The following TMEM232 variants were observed in gnomAD, a reference collection of about 807,000 sequenced individuals.
TMEM232 encodes transmembrane protein 232.
A neutral mutation model predicts 78.8 loss-of-function variants in TMEM232; 80 were observed. The ratio of observed to expected loss-of-function variants is 1.01; its 90% CI spans 0.85 to 1.22. The LOEUF is 1.22. Ranked by LOEUF, TMEM232 falls within the 50% of genes most tolerant of loss-of-function variation. The pLI is 0.00. For missense variants in TMEM232, 881 were observed against 742.2 expected, an observed-to-expected ratio of 1.19 and a Z score of -2.17; for synonymous variants, 297 against 254.3, an observed-to-expected ratio of 1.17 and a Z score of -1.60.
intron 13 of TMEM232, among the ~76,000 whole-genome samples, chr5:110,421,637 C>A (rs969716294): frequency 3.3e-5 from 5 of 152,072 alleles, no homozygotes; most frequent in African/African-American, 4.8e-5. Flanking sequence ...CTAAGATTAT[C>A]AACCTATCAA....
intron 1 of TMEM232, among the ~76,000 whole-genome samples, chr5:110,671,477 A>G (rs1791342961): frequency 6.6e-6 from 1 of 152,210 alleles, no homozygotes; most frequent in East Asian, 1.9e-4. Context: ...TATTCACAAT[A>G]GCACAGACTT....
chr5:110,733,630 G>C (rs1798891442), intron 2 of TMEM232, among the ~76,000 whole-genome samples: 1 of 152,120 alleles, frequency 6.6e-6, no homozygotes, highest in Non-Finnish European at 1.5e-5. Context: ...GAAGCTAAAT[G>C]ATGAGAACAC....
intron 4 of TMEM232, among the ~76,000 whole-genome samples, chr5:110,640,655 A>C (rs1786549887): frequency 6.6e-6 from 1 of 152,156 alleles, no homozygotes; most frequent in Non-Finnish European, 1.5e-5. Context: ...TTTTGGCAAA[A>C]AAGTAATAAA....
downstream of TMEM232, among the ~76,000 whole-genome samples, chr5:110,415,778 T>C (rs994734052): frequency 2.0e-5 from 3 of 152,224 alleles, no homozygotes; most frequent in Admixed American, 2.0e-4. Context: ...CATTACTGGA[T>C]TGCTAACAGT....
At chr5:110,390,705 T>C (rs1755142489) in intron 3 of TMEM232, 1 of 152,202 alleles carries the variant, frequency 6.6e-6, no homozygotes, top group South Asian at 2.1e-4. Context: ...TTGTATAACA[T>C]GAACAAACTT....
chr5:110,447,147 A>ATG (rs1183820337), intron 12 of TMEM232, among the ~76,000 whole-genome samples: 1 of 150,282 alleles, frequency 6.7e-6, no homozygotes, highest in East Asian at 2.0e-4. Context: ...ATACATATAT[A>ATG]TGTGTATATA....
intron 1 of TMEM232, among the ~76,000 whole-genome samples, chr5:110,721,739 G>T (rs1338173400): frequency 1.4e-5 from 2 of 139,566 alleles, no homozygotes; most frequent in African/African-American, 5.2e-5. Flanking sequence ...TCCCTAGACT[G>T]ACCAGAGCAG....
chr5:110,661,072 G>T (rs1789718106), intron 2 of TMEM232, among the ~76,000 whole-genome samples: 1 of 152,110 alleles, frequency 6.6e-6, no homozygotes, highest in Non-Finnish European at 1.5e-5. Flanking sequence ...ACACATGTGA[G>T]TGACAATAGC....
intron 12 of TMEM232, among the ~76,000 whole-genome samples, chr5:110,461,230 C>T (rs1761490814): frequency 6.6e-6 from 1 of 151,700 alleles, no homozygotes; most frequent in South Asian, 2.1e-4. Context: ...ATTAAAAGTG[C>T]TACTCTAGTG....
intron 11 of TMEM232, among the ~76,000 whole-genome samples, chr5:110,560,089 G>C (rs1775568351): frequency 6.6e-6 from 1 of 152,106 alleles, no homozygotes; most frequent in Non-Finnish European, 1.5e-5. Context: ...TTCTGAAATA[G>C]TAGGATTAGG....
At chr5:110,421,265 C>A (rs562344526) in intron 13 of TMEM232, among the ~76,000 whole-genome samples, 29 of 151,932 alleles carry the variant, frequency 1.9e-4, no homozygotes, top group Middle Eastern at 3.4e-3. Flanking sequence ...TCTTAATTGG[C>A]CATGATAATT....
chr5:110,588,258 A>T (rs1256709120), intron 10 of TMEM232, among the ~76,000 whole-genome samples: 3 of 152,194 alleles, frequency 2.0e-5, no homozygotes, highest in Non-Finnish European at 4.4e-5. Flanking sequence ...TTAGAAAATC[A>T]TTCTCAACAA....
At chr5:110,462,593 C>G (rs1761653853) in intron 12 of TMEM232, among the ~76,000 whole-genome samples, 1 of 152,190 alleles carries the variant, frequency 6.6e-6, no homozygotes, top group Non-Finnish European at 1.5e-5. Context: ...CCTTTGGCCA[C>G]AGACTGAAGG....
intron 4 of TMEM232, among the ~76,000 whole-genome samples, chr5:110,388,993 G>T (rs1247487774): frequency 6.6e-6 from 1 of 152,132 alleles, no homozygotes; most frequent in Non-Finnish European, 1.5e-5. Context: ...GGGTGCAGTG[G>T]CTCATGCCTG....
downstream of TMEM232, chr5:110,417,618 C>CTTTTTTTTTTTTTT (rs1181888424): frequency 9.5e-4 from 113 of 119,284 alleles, no homozygotes; most frequent in East Asian, 1.6e-3. Flanking sequence ...TTTTCTTTTT[C>CTTTTTTTTTTTTTT]TTTTTTTTTT....
chr5:110,591,724 G>T (rs538266864), intron 10 of TMEM232, among the ~76,000 whole-genome samples: 2 of 152,130 alleles, frequency 1.3e-5, no homozygotes, highest in Admixed American at 1.3e-4. Flanking sequence ...TGATATTCAA[G>T]TGACAAAATT....
chr5:110,614,301 T>G (rs542249906), intron 8 of TMEM232, among the ~76,000 whole-genome samples: 1 of 152,138 alleles, frequency 6.6e-6, no homozygotes, highest in Non-Finnish European at 1.5e-5. Flanking sequence ...GACAGTTGAA[T>G]GATGCATTGG....
intron 1 of TMEM232, among the ~76,000 whole-genome samples, chr5:110,675,431 C>T (rs1374039856): frequency 6.6e-6 from 1 of 152,140 alleles, no homozygotes; most frequent in Non-Finnish European, 1.5e-5. Context: ...GAGGAGTTTA[C>T]ACCAGAAACC....
chr5:110,572,138 A>G (rs114689633), intron 10 of TMEM232, among the ~76,000 whole-genome samples: 1,570 of 152,150 alleles, frequency 0.01, 20 homozygotes, highest in African/African-American at 0.035. Flanking sequence ...AAACAATAAT[A>G]AAACCACTTG....
Sources: gnomAD v4.1 joint callset for allele counts (sites outside exome capture counted in the v4.1 genomes callset) on GRCh38, gnomAD v4.1.1 for gene constraint, MANE v1.5 for transcripts, NCBI Gene and HGNC (gene_info 2026-07-23, HGNC 2026-07-21) for gene names.